Variants in THSD7A observed in about 807,000 individuals in gnomAD.
THSD7A encodes thrombospondin type-1 domain-containing protein 7A.
In THSD7A, 96 loss-of-function variants were observed where a neutral mutation model predicts 231.3. The observed-to-expected ratio is 0.41, with a 90% CI of 0.35 to 0.49. The LOEUF (loss-of-function observed/expected upper bound fraction) is 0.49, where lower values mean the gene tolerates loss of function less well. THSD7A is among the 20% of genes least tolerant of loss of function. THSD7A has a pLI of 0.05. For missense variants in THSD7A, 2,290 were observed against 2,070.2 expected, an observed-to-expected ratio of 1.11 and a Z score of -2.06; for synonymous variants, 940 against 743.3, an observed-to-expected ratio of 1.26 and a Z score of -4.30.
In THSD7A at chr7:11,724,616, TTTTGATAC is replaced by T. The variant is rs1444058707; in HGVS notation, c.191-87663_191-87656del. Among the ~76,000 whole-genome samples the T allele has an allele frequency of 5.3e-5, 8 of 152,070 alleles. No homozygotes were observed. The East Asian group carries it at 1.6e-3, about 30-fold the overall frequency. ...ACAATGTATTATCGAAGTATCTAAA[TTTTGATAC>T]TTTGATACTGGGAAGACAAAAAAAC... is the stretch of plus-strand genomic sequence containing the variant. On this transcript the variant is annotated intron_variant, in intron 1 of 27. Transcript: ENST00000423059.
At chr7:11,768,403 G>T (rs1280335815) in intron 1 of THSD7A, among the ~76,000 whole-genome samples, 1 of 152,156 alleles carries the variant, frequency 6.6e-6, no homozygotes, top group Non-Finnish European at 1.5e-5. Context: ...ATAACAATTG[G>T]CATGCAATCT....
At chr7:11,650,055 T>G (rs1782431795) in intron 1 of THSD7A, among the ~76,000 whole-genome samples, 1 of 152,108 alleles carries the variant, frequency 6.6e-6, no homozygotes, top group South Asian at 2.1e-4. Flanking sequence ...TTGATATTTC[T>G]TACCAATGAG....
At chr7:11,830,579 A>G (rs181481750) in intron 1 of THSD7A, among the ~76,000 whole-genome samples, 1 of 152,342 alleles carries the variant, frequency 6.6e-6, no homozygotes, top group East Asian at 1.9e-4. Context: ...TATATGTTTC[A>G]TGTAATCTTC....
intron 1 of THSD7A, among the ~76,000 whole-genome samples, chr7:11,828,453 C>A (rs148061417): frequency 7.5e-4 from 114 of 152,310 alleles, no homozygotes; most frequent in African/African-American, 2.5e-3. Context: ...ACCCTTCACA[C>A]CTCCTTTATC....
chr7:11,674,298 G>C (rs1783544878), intron 1 of THSD7A, among the ~76,000 whole-genome samples: 1 of 152,122 alleles, frequency 6.6e-6, no homozygotes, highest in African/African-American at 2.4e-5. Flanking sequence ...TTAGGCAGCA[G>C]CTCTTCTAGT....
chr7:11,512,538 G>A (rs1787855390), intron 6 of THSD7A, among the ~76,000 whole-genome samples: 1 of 151,990 alleles, frequency 6.6e-6, no homozygotes, highest in African/African-American at 2.4e-5. Flanking sequence ...CAACCCAAAT[G>A]TTCATCAATA....
intron 1 of THSD7A, among the ~76,000 whole-genome samples, chr7:11,743,843 C>T (rs1782188471): frequency 1.3e-5 from 2 of 151,880 alleles, no homozygotes; most frequent in Admixed American, 1.3e-4. Context: ...TTACAGGAGT[C>T]TTGACTTTTT....
At chr7:11,585,381 T>C (rs1191748327) in intron 4 of THSD7A, among the ~76,000 whole-genome samples, 1 of 152,174 alleles carries the variant, frequency 6.6e-6, no homozygotes, top group African/African-American at 2.4e-5. Flanking sequence ...CCTTTGGGGA[T>C]TCCTATGTTT....
intron 4 of THSD7A, among the ~76,000 whole-genome samples, chr7:11,558,049 A>C (rs185093307): frequency 1.8e-3 from 275 of 152,268 alleles, no homozygotes; most frequent in African/African-American, 6.3e-3. Flanking sequence ...TAGAAAGAGC[A>C]GGAATTTGTT....
intron 1 of THSD7A, among the ~76,000 whole-genome samples, chr7:11,793,641 G>A (rs951553068): frequency 6.6e-6 from 1 of 151,728 alleles, no homozygotes; most frequent in Admixed American, 6.6e-5. Context: ...GGAATATTAT[G>A]TAGTCATGAA....
In THSD7A at chr7:11,817,650, A is replaced by G. The variant is rs998217032; in HGVS notation, c.190+14107T>C. On this transcript the variant is annotated intron_variant, in intron 1 of 27. Coordinates refer to ENST00000423059, the MANE Select transcript of THSD7A (RefSeq NM_015204.3). ...CACTAGGATTATAGCCAAGTAAGGG[A>G]TAACATTTACTGAGCAGTTACTTGT... 2.6e-5 allele frequency among the ~76,000 whole-genome samples: 4 copies of G among 152,200 alleles called. No individual in the cohort carries two copies. The East Asian group carries it at 7.7e-4, about 29-fold the overall frequency.
At chr7:11,484,435 T>C (rs535554025) in intron 6 of THSD7A, among the ~76,000 whole-genome samples, 110 of 152,252 alleles carry the variant, frequency 7.2e-4, no homozygotes, top group African/African-American at 2.5e-3. Flanking sequence ...AGTTCAATTT[T>C]CTCCTTCCTA....
intron 11 of THSD7A, among the ~76,000 whole-genome samples, chr7:11,454,448 G>A (rs1785239400): frequency 6.6e-6 from 1 of 151,622 alleles, no homozygotes; most frequent in Non-Finnish European, 1.5e-5. Flanking sequence ...GGAACCCTAG[G>A]CAAACTGGTC....
chr7:11,570,194 A>G (rs1185422074), intron 4 of THSD7A, among the ~76,000 whole-genome samples: 1 of 152,136 alleles, frequency 6.6e-6, no homozygotes, highest in East Asian at 1.9e-4. Context: ...AGAAAAGAAA[A>G]GAAAAGAAAA....
chr7:11,755,439 G>C (rs1782640241), intron 1 of THSD7A, among the ~76,000 whole-genome samples: 1 of 151,986 alleles, frequency 6.6e-6, no homozygotes, highest in Non-Finnish European at 1.5e-5. Context: ...CTCCATGATT[G>C]GACACTACAA....
At chr7:11,502,891 C>T (rs1787394788) in intron 6 of THSD7A, among the ~76,000 whole-genome samples, 1 of 152,156 alleles carries the variant, frequency 6.6e-6, no homozygotes, top group Non-Finnish European at 1.5e-5. Context: ...AAGCAATTTA[C>T]AGATTCAATG....
Position 11,411,816 on chromosome 7 carries a change from A to G in THSD7A, c.3683-494T>C, listed in dbSNP as rs1783796066. ...TAAAGTGATAAAAATCACTTTGGCCATATTTATTCATTCTCTTATGTCTTT... is the reference window on the plus strand; with the variant it reads ...TAAAGTGATAAAAATCACTTTGGCCGTATTTATTCATTCTCTTATGTCTTT... On this transcript the variant is annotated intron_variant, in intron 18 of 27. Coordinates refer to ENST00000423059, the MANE Select transcript of THSD7A (RefSeq NM_015204.3). This position sits in a 1 kb window ranked among gnomAD's most constrained non-coding sequence, Gnocchi z 4.1. 2.0e-5 allele frequency among the ~76,000 whole-genome samples: 3 copies of G among 152,310 alleles called. No homozygotes were observed. The highest frequency in any genetic ancestry group is 2.1e-4 in the South Asian group (1 of 4,824).
intron 7 of THSD7A, among the ~76,000 whole-genome samples, chr7:11,475,694 C>T (rs1278375065): frequency 6.7e-6 from 1 of 149,558 alleles, no homozygotes; most frequent in African/African-American, 2.4e-5. Flanking sequence ...TGGGTACTAC[C>T]TGGTTACTAT....
chr7:11,405,392 T>G (rs1194573084), intron 22 of THSD7A, among the ~76,000 whole-genome samples: 3 of 152,156 alleles, frequency 2.0e-5, no homozygotes, highest in African/African-American at 7.2e-5. Flanking sequence ...AAAGAAAATA[T>G]TGTGAAAGAG....
Sources: gnomAD v4.1 joint callset for allele counts (sites outside exome capture counted in the v4.1 genomes callset) on GRCh38, gnomAD v4.1.1 for gene constraint, Gnocchi (gnomAD v3.1) non-coding constraint, MANE v1.5 for transcripts, NCBI Gene and HGNC (gene_info 2026-07-23, HGNC 2026-07-21) for gene names.